The following GRIK4 variants were observed in gnomAD, a reference collection of about 807,000 sequenced individuals.
GRIK4 encodes the protein glutamate receptor ionotropic, kainate 4.
A neutral mutation model predicts 104.9 loss-of-function variants in GRIK4; 40 were observed. The observed-to-expected ratio is 0.38, with a 90% CI of 0.30 to 0.50. The LOEUF is 0.50. Among genes scored for constraint, GRIK4 ranks in the 20% least tolerant of loss-of-function variants. The pLI is 0.93. For synonymous variants in GRIK4, 485 were observed against 524.9 expected (o/e 0.92, Z 1.04); for missense variants, 1,047 against 1,308.1 (o/e 0.80, Z 3.08).
At chr11:120,966,113 G>A (rs182762555) in intron 18 of GRIK4, among the ~76,000 whole-genome samples, 100 of 152,194 alleles carry the variant, frequency 6.6e-4, no homozygotes, top group Admixed American at 9.8e-4. Flanking sequence ...TGACAAAATC[G>A]CGTTAGAAAA....
At chr11:120,580,377 G>A (rs1948563408) in intron 1 of GRIK4, among the ~76,000 whole-genome samples, 1 of 151,508 alleles carries the variant, frequency 6.6e-6, no homozygotes, top group Non-Finnish European at 1.5e-5. Flanking sequence ...CCGGGTTCAA[G>A]TGATTCTCCT....
intron 1 of GRIK4, among the ~76,000 whole-genome samples, chr11:120,556,565 G>A (rs535381574): frequency 1.1e-4 from 17 of 152,012 alleles, no homozygotes; most frequent in African/African-American, 3.4e-4. Context: ...TCTTGGGTGC[G>A]CCTACGTTCT....
chr11:120,881,351 C>T (rs1954962952), intron 11 of GRIK4, among the ~76,000 whole-genome samples: 1 of 152,118 alleles, frequency 6.6e-6, no homozygotes, highest in Admixed American at 6.5e-5. Flanking sequence ...TTCATGTGAA[C>T]TTTTCTAGAA....
intron 1 of GRIK4, among the ~76,000 whole-genome samples, chr11:120,612,993 C>T (rs574081397): frequency 4.6e-5 from 7 of 152,242 alleles, no homozygotes; most frequent in African/African-American, 1.4e-4. Context: ...CAGTGACCCT[C>T]GTATTAAGCA....
Position 120,985,509 on chromosome 11 carries a change from G to A in GRIK4, c.2515-395G>A, listed in dbSNP as rs577435635. Among the ~76,000 whole-genome samples, 14 of 152,156 alleles carry A rather than the reference G, an allele frequency of 9.2e-5. No individual in the cohort carries two copies. In the South Asian group the frequency reaches 2.9e-3, roughly 32 times the overall value. ...ATACTTGAGAGACTGACATGTGGTG[G>A]AGGAATTATTTATTTAGTAGGCTTC... is the stretch of plus-strand genomic sequence containing the variant. On this transcript the variant is annotated intron_variant, in intron 20 of 20. Coordinates refer to ENST00000527524, the MANE Select transcript of GRIK4 (RefSeq NM_014619.5).
chr11:120,893,902 G>A (rs151059942), intron 11 of GRIK4, among the ~76,000 whole-genome samples: 28 of 152,242 alleles, frequency 1.8e-4, no homozygotes, highest in African/African-American at 6.3e-4. Context: ...CCTGTTTGTC[G>A]TCTGAGTTGG....
At chr11:120,741,275 C>CTTTTTTTT (rs762543001) in intron 3 of GRIK4, among the ~76,000 whole-genome samples, 6 of 106,920 alleles carry the variant, frequency 5.6e-5, no homozygotes, top group African/African-American at 1.0e-4. Context: ...CGTGTGCTTT[C>CTTTTTTTT]TTTTTTTTTT....
chr11:120,854,380 G>A (rs1331396605), intron 8 of GRIK4, among the ~76,000 whole-genome samples: 3 of 152,230 alleles, frequency 2.0e-5, no homozygotes, highest in Non-Finnish European at 2.9e-5. Context: ...TGAAGAGGCT[G>A]CAAATAGGGC....
At chr11:120,697,680 C>T (rs1163162832) in intron 3 of GRIK4, among the ~76,000 whole-genome samples, 2 of 152,178 alleles carry the variant, frequency 1.3e-5, no homozygotes, top group African/African-American at 2.4e-5. Context: ...TTCTGAGGCT[C>T]CAAATGAGCT....
At chr11:120,663,799 ACTC>A (rs1949858629) in intron 3 of GRIK4, among the ~76,000 whole-genome samples, 1 of 150,862 alleles carries the variant, frequency 6.6e-6, no homozygotes, top group African/African-American at 2.4e-5. Flanking sequence ...TCCTCCTTCT[ACTC>A]CTCTTCTTTT....
At chr11:120,780,586 C>T (rs1228223729) in intron 3 of GRIK4, among the ~76,000 whole-genome samples, 1 of 152,210 alleles carries the variant, frequency 6.6e-6, no homozygotes, top group Non-Finnish European at 1.5e-5. Context: ...TTGCTATGAA[C>T]ATGGGTGTAC....
intron 1 of GRIK4, among the ~76,000 whole-genome samples, chr11:120,609,575 G>A (rs1436232598): frequency 8.3e-6 from 1 of 120,362 alleles, no homozygotes; most frequent in East Asian, 2.6e-4. Flanking sequence ...TGCCCAGGCT[G>A]GAGGTCTCGG....
At chr11:120,951,917 C>A (rs1200724356) in intron 14 of GRIK4, among the ~76,000 whole-genome samples, 1 of 152,240 alleles carries the variant, frequency 6.6e-6, no homozygotes, top group African/African-American at 2.4e-5. Context: ...CAATTCAACT[C>A]TGTGGGCCGT....
chr11:120,519,152 C>A (rs2136072039), intron 1 of GRIK4, among the ~76,000 whole-genome samples: 1 of 152,244 alleles, frequency 6.6e-6, no homozygotes, highest in East Asian at 1.9e-4. Flanking sequence ...GCTGTGAATT[C>A]AACAATGATG....
At chr11:120,798,456 C>T (rs1381793081) in intron 3 of GRIK4, among the ~76,000 whole-genome samples, 1 of 151,950 alleles carries the variant, frequency 6.6e-6, no homozygotes, top group Non-Finnish European at 1.5e-5. Context: ...GCCACTATGC[C>T]AGGTTTTGTT....
chr11:120,734,584 T>A (rs1951190912), intron 3 of GRIK4, among the ~76,000 whole-genome samples: 1 of 152,238 alleles, frequency 6.6e-6, no homozygotes, highest in Admixed American at 6.5e-5. Flanking sequence ...GATATCTTTC[T>A]CTAGGTTTGG....
intron 1 of GRIK4, among the ~76,000 whole-genome samples, chr11:120,623,456 C>A (rs1591747700): frequency 6.6e-6 from 1 of 152,124 alleles, no homozygotes; most frequent in Admixed American, 6.5e-5. Flanking sequence ...AGGTGTGACC[C>A]CATCGGTCTG....
At chr11:120,790,017 C>A (rs1952364099) in intron 3 of GRIK4, among the ~76,000 whole-genome samples, 1 of 152,170 alleles carries the variant, frequency 6.6e-6, no homozygotes, top group East Asian at 1.9e-4. Context: ...TGTCCTCTGA[C>A]CCCAGGATGC....
At chr11:120,518,202 C>G (rs529296472) in intron 1 of GRIK4, among the ~76,000 whole-genome samples, 8 of 152,300 alleles carry the variant, frequency 5.3e-5, no homozygotes, top group African/African-American at 1.9e-4. Context: ...GTACATAGGA[C>G]AAATCCCAGC....
Sources: allele counts gnomAD v4.1 joint callset (sites outside exome capture counted in the v4.1 genomes callset), GRCh38; gene constraint gnomAD v4.1.1; transcripts MANE v1.5; gene names NCBI Gene and HGNC (gene_info 2026-07-23, HGNC 2026-07-21).